UBE4B: variants seen among roughly 807,000 people sequenced by gnomAD.
The protein encoded by UBE4B is ubiquitin conjugation factor E4 B.
UBE4B carries 27 observed loss-of-function variants against 148.1 expected under a neutral mutation model. The observed-to-expected ratio is 0.18, with a 90% CI of 0.13 to 0.25. UBE4B has a LOEUF of 0.25. Ranked by LOEUF, UBE4B falls within the 10% of genes least tolerant of loss-of-function variation. The pLI is 1.00. For synonymous variants in UBE4B, 596 were observed against 619.3 expected (o/e 0.96, Z 0.56); for missense variants, 1,170 against 1,662.4 (o/e 0.70, Z 5.15).
intron 7 of UBE4B, among the ~76,000 whole-genome samples, chr1:10,111,044 G>GACACAC (rs55936075): frequency 0.011 from 1,223 of 113,404 alleles, 30 homozygotes; most frequent in Non-Finnish European, 0.012. Flanking sequence ...CTCTGTCTCT[G>GACACAC]ACACACACAC....
intron 15 of UBE4B, among the ~76,000 whole-genome samples, chr1:10,134,033 G>C (rs1187557529): frequency 6.8e-6 from 1 of 147,458 alleles, no homozygotes; most frequent in African/African-American, 2.6e-5. Context: ...CTGGGCAACA[G>C]AGTAAAACCC....
At chr1:10,130,653 T>C in intron 13 of UBE4B, 37 bp downstream of exon 13, 1 of 1,613,002 alleles carries the variant, frequency 6.2e-7, no homozygotes, top group Non-Finnish European at 8.5e-7. Flanking sequence ...GCTGCCCTTT[T>C]ATTCAGATTC....
Position 10,132,490 on chromosome 1 carries a change from T to G in UBE4B, c.2025+8T>G. On this transcript the variant is annotated splice_region_variant and intron_variant, in intron 15 of 27. Coordinates refer to ENST00000343090, the MANE Select transcript of UBE4B (RefSeq NM_001105562.3). ...AAGAAAGCACAGATGCAGGTAGGAT[T>G]CCTACAGACTGCTTTTCGCTGTTTG... 1.2e-6 allele frequency: 2 copies of G among 1,610,524 alleles called. No homozygotes were observed. Among genetic ancestry groups the G allele is most frequent in the Non-Finnish European group, 1.7e-6 (2 of 1,177,380 alleles).
intron 15 of UBE4B, among the ~76,000 whole-genome samples, chr1:10,134,300 C>T (rs994656858): frequency 2.0e-5 from 3 of 151,844 alleles, no homozygotes; most frequent in Admixed American, 6.6e-5. Flanking sequence ...CACCTGAGGT[C>T]AGGAGTTCGA....
At chr1:10,146,309 G>A (rs1322562407) in intron 18 of UBE4B, among the ~76,000 whole-genome samples, 1 of 152,140 alleles carries the variant, frequency 6.6e-6, no homozygotes, top group African/African-American at 2.4e-5. Context: ...AAAATTAACT[G>A]GGTGTGGTGG....
chr1:10,177,111 A>G (rs1234223412), intron 25 of UBE4B, among the ~76,000 whole-genome samples: 1 of 151,788 alleles, frequency 6.6e-6, no homozygotes, highest in African/African-American at 2.4e-5. Context: ...TGTATTCTGG[A>G]TGCTAGGTCA....
rs149354050 is a variant in UBE4B at position 10,103,399 on chromosome 1, C to CTTTA, written c.580+355_580+358dup. On this transcript the variant is annotated intron_variant, in intron 5 of 27. Transcript: ENST00000343090. ...GAAGGTGCTTAGAGCATTACCTCCT[C>CTTTA]TTTATTTATTTATTTATTTATTTAT... is the stretch of plus-strand genomic sequence containing the variant. 2.8e-3 allele frequency among the ~76,000 whole-genome samples: 375 copies of CTTTA among 135,544 alleles called. 2 individuals carry two copies. The highest frequency in any genetic ancestry group is 5.9e-3 in the African/African-American group (219 of 36,822). 88.9% of individuals were successfully genotyped at this position (135,544 alleles called of 152,430 possible).
intron 22 of UBE4B, among the ~76,000 whole-genome samples, chr1:10,159,363 A>C (rs566516330): frequency 6.6e-6 from 1 of 152,252 alleles, no homozygotes; most frequent in South Asian, 2.1e-4. Context: ...CTCTTGAATT[A>C]TTCTTCAAAA....
At chr1:10,176,784 C>CTTTTTTTTTTTTTTTT (rs946016031) in intron 25 of UBE4B, among the ~76,000 whole-genome samples, 1 of 121,778 alleles carries the variant, frequency 8.2e-6, no homozygotes, top group African/African-American at 3.1e-5. Flanking sequence ...TTTTCTTTTT[C>CTTTTTTTTTTTTTTTT]TTTTTTTTTT....
At position 10,161,382 on chromosome 1, in the gene UBE4B, A is replaced by T. The variant is rs1405972222; in HGVS notation, c.3198+96A>T. On this transcript the variant is annotated intron_variant, in intron 23 of 27. Coordinates refer to ENST00000343090, the MANE Select transcript of UBE4B (RefSeq NM_001105562.3). This position sits in a 1 kb window ranked among gnomAD's most constrained non-coding sequence, Gnocchi z 4.1. ...TGGGGCTGCATTTGTGGGTCTGATG[A>T]TATGCGATCTGACATGCTGGGATTT... The T allele has an allele frequency of 7.2e-7, 1 of 1,396,866 alleles. No homozygotes were observed. Among genetic ancestry groups the T allele is most frequent in the Non-Finnish European group, 9.7e-7 (1 of 1,033,904 alleles). The allele number at this position is 1,396,866 out of a possible 1,614,324, so 86.5% of individuals were successfully genotyped here.
intron 25 of UBE4B, among the ~76,000 whole-genome samples, chr1:10,172,861 T>C (rs1454459026): frequency 6.6e-6 from 1 of 152,294 alleles, no homozygotes; most frequent in African/African-American, 2.4e-5. Context: ...CCCCATCATA[T>C]TATAATACCG....
At chr1:10,138,343 C>T (rs1645729269) in intron 17 of UBE4B, among the ~76,000 whole-genome samples, 1 of 152,040 alleles carries the variant, frequency 6.6e-6, no homozygotes, top group Non-Finnish European at 1.5e-5. Context: ...GTGATCCGCC[C>T]GCCTCAGCCT....
intron 2 of UBE4B, among the ~76,000 whole-genome samples, chr1:10,087,785 C>T (rs1292267928): frequency 2.0e-5 from 3 of 152,142 alleles, no homozygotes; most frequent in African/African-American, 7.2e-5. Context: ...ATATTCAGTT[C>T]TTTGGTATCG....
intron 1 of UBE4B, among the ~76,000 whole-genome samples, chr1:10,048,046 C>G (rs1643950672): frequency 6.6e-6 from 1 of 151,940 alleles, no homozygotes; most frequent in African/African-American, 2.4e-5. Flanking sequence ...CGAGGGTCTC[C>G]CTGTGTTGCC....
chr1:10,147,210 G>C lies in UBE4B; in HGVS notation c.2591+120G>C, dbSNP rs1570978428. On this transcript the variant is annotated intron_variant, in intron 19 of 27. Coordinates refer to ENST00000343090, the MANE Select transcript of UBE4B (RefSeq NM_001105562.3). ...TTCTTTATCAAGAATTCACTTCTCT[G>C]CAAGGCGCAGTGGTTCACGCCTGTA... 6 of 1,484,530 alleles carry C rather than the reference G, an allele frequency of 4.0e-6. No individual in the cohort carries two copies. In the East Asian group the frequency reaches 1.4e-4, roughly 34 times the overall value. The allele number at this position is 1,484,530 out of a possible 1,614,324, so 92.0% of individuals were successfully genotyped here. A position where few individuals can be genotyped will look rare whatever the true frequency, so the allele number is the denominator to read the frequency against.
rs779485676 is a variant in UBE4B, at chr1:10,135,176, G to C, written c.2214G>C (p.Leu738=). The C allele has an allele frequency of 1.2e-6, 2 of 1,613,262 alleles. No homozygotes were observed. Among genetic ancestry groups the C allele is most frequent in the Admixed American group, 1.7e-5 (1 of 59,884 alleles). Residue 738 remains leucine (L), a synonymous_variant, in exon 16 of 28, where the codon CTG becomes CTC. Transcript: ENST00000343090. ...NATMEDVNDW[L]TELYGDQPPF... ...CGATGGAAGATGTGAATGACTGGCTGACTGAACTCTGTGAGTACTGTGTTC... is the reference window on the plus strand; with the variant it reads ...CGATGGAAGATGTGAATGACTGGCTCACTGAACTCTGTGAGTACTGTGTTC...
chr1:10,147,239 C>T (rs1171376950), intron 19 of UBE4B, 149 bp downstream of exon 19: 1 of 1,313,820 alleles, frequency 7.6e-7, no homozygotes, highest in Non-Finnish European at 1.0e-6. Flanking sequence ...GCCTGTAATC[C>T]CAGCACTTTG....
chr1:10,058,340 C>G (rs1024221692), intron 1 of UBE4B, among the ~76,000 whole-genome samples: 5 of 152,158 alleles, frequency 3.3e-5, no homozygotes, highest in African/African-American at 1.2e-4. Context: ...TGCCATTCTA[C>G]CCCCGTCTGT....
At position 10,033,698 on chromosome 1, in the gene UBE4B, A is replaced by G; in HGVS notation, c.24+4A>G. 6.4e-7 allele frequency: 1 copy of G among 1,568,514 alleles called. No homozygotes were observed. Among genetic ancestry groups the G allele is most frequent in the Non-Finnish European group, 8.6e-7 (1 of 1,157,980 alleles). On this transcript the variant is annotated splice_donor_region_variant and intron_variant, in intron 1 of 27. Transcript: ENST00000343090. Reference sequence around the variant, plus strand: ...GGAGGAGCTGAGCGCTGATGAGGTGAGGAGGTTGGGGGACACCTTGAGGGA... The same window carrying G: ...GGAGGAGCTGAGCGCTGATGAGGTGGGGAGGTTGGGGGACACCTTGAGGGA...
Sources: allele counts gnomAD v4.1 joint callset (sites outside exome capture counted in the v4.1 genomes callset), GRCh38; gene constraint gnomAD v4.1.1; non-coding constraint Gnocchi (gnomAD v3.1); transcripts MANE v1.5; gene names NCBI Gene and HGNC (gene_info 2026-07-23, HGNC 2026-07-21).